Variants in UTRN observed in about 807,000 individuals in gnomAD.
UTRN encodes utrophin, also known as dystrophin-related protein 1.
Under a neutral mutation model 463.9 loss-of-function variants are expected in UTRN, and 283 were observed. That is an observed-to-expected ratio of 0.61 (90% CI 0.55 to 0.67). The LOEUF is 0.67. UTRN is among the 30% of genes least tolerant of loss of function. The probability of loss-of-function intolerance (pLI) is 0.00; values close to 1 mark genes in which losing one functional copy is unlikely to be tolerated. For synonymous variants in UTRN, 1,442 were observed against 1,431.5 expected, an observed-to-expected ratio of 1.01 and a Z score of -0.17; for missense variants, 3,922 against 4,084.3, an observed-to-expected ratio of 0.96 and a Z score of 1.08.
chr6:144,843,828 C>T (rs539904026), intron 73 of UTRN, among the ~76,000 whole-genome samples: 1 of 152,256 alleles, frequency 6.6e-6, no homozygotes, highest in South Asian at 2.1e-4. Flanking sequence ...TACCCTTAGC[C>T]TTCTATCTGA....
intron 3 of UTRN, among the ~76,000 whole-genome samples, chr6:144,420,245 A>C (rs1784717947): frequency 6.6e-6 from 1 of 152,232 alleles, no homozygotes; most frequent in African/African-American, 2.4e-5. Context: ...TTATTATATA[A>C]GGCAGTAATT....
In UTRN at chr6:144,474,627, A is replaced by G; in HGVS notation, c.3204A>G (p.Thr1068=). 1 of 1,613,322 alleles carries G rather than the reference A, an allele frequency of 6.2e-7. No homozygotes were observed. The highest frequency in any genetic ancestry group is 1.3e-5 in the African/African-American group (1 of 74,984). ...AGGCATTTGTTAATGAAATAGAAACAATTGAATCATCTCTGAAAAACATGA... is the reference window on the plus strand; with the variant it reads ...AGGCATTTGTTAATGAAATAGAAACGATTGAATCATCTCTGAAAAACATGA... ...QCSAFVNEIE[T]IESSLKNMKE... is the part of the protein sequence containing the mutation. The change falls in exon 25 of 75, where the codon ACA becomes ACG. Residue 1068 remains threonine (T), a synonymous_variant. Coordinates refer to ENST00000367545, the MANE Select transcript of UTRN (RefSeq NM_007124.3).
intron 54 of UTRN, among the ~76,000 whole-genome samples, chr6:144,732,970 T>C (rs983725116): frequency 1.3e-5 from 2 of 152,188 alleles, no homozygotes; most frequent in Non-Finnish European, 2.9e-5. Flanking sequence ...CCAAAAGTGC[T>C]GAGAATACAG....
In UTRN at chr6:144,458,840, A is replaced by G; in HGVS notation, c.2355A>G (p.Gln785=). 6.2e-7 allele frequency: 1 copy of G among 1,613,472 alleles called. No homozygotes were observed. The highest frequency in any genetic ancestry group is 8.5e-7 in the Non-Finnish European group (1 of 1,179,876). The change falls in exon 20 of 75, where the codon CAA becomes CAG. Residue 785 remains glutamine, a synonymous_variant. Coordinates refer to ENST00000367545, the MANE Select transcript of UTRN (RefSeq NM_007124.3). ...KVSSEWKNVS[Q]HLEDLERKIQ... is the part of the protein sequence containing the mutation. ...CATCAGAATGGAAGAATGTATCTCAACATTTGGAAGATCTAGAAAGAAAGA... is the reference window on the plus strand; with the variant it reads ...CATCAGAATGGAAGAATGTATCTCAGCATTTGGAAGATCTAGAAAGAAAGA...
chr6:144,451,735 T>C (rs1788336377), intron 18 of UTRN, among the ~76,000 whole-genome samples: 1 of 151,988 alleles, frequency 6.6e-6, no homozygotes, highest in Admixed American at 6.5e-5. Flanking sequence ...CAGTGAGGAA[T>C]ACTTCTTATG....
At chr6:144,479,728 T>A (rs1791650264) in intron 25 of UTRN, 84 bp from the exon 26 acceptor site, 1 of 1,478,320 alleles carries the variant, frequency 6.8e-7, no homozygotes, top group African/African-American at 1.4e-5. Context: ...AAGTTATTAC[T>A]GTGCCTTTAA....
intron 2 of UTRN, among the ~76,000 whole-genome samples, chr6:144,376,177 T>A (rs1780441941): frequency 6.6e-6 from 1 of 151,758 alleles, no homozygotes; most frequent in South Asian, 2.1e-4. Flanking sequence ...GTTTTTTGGG[T>A]CGGGCCGGGT....
chr6:144,315,489 A>G (rs866197598), intron 2 of UTRN, among the ~76,000 whole-genome samples: 38 of 152,206 alleles, frequency 2.5e-4, no homozygotes, highest in Admixed American at 5.2e-4. Context: ...CTAGTTGGAC[A>G]GGGCCCGATG....
chr6:144,302,787 G>A (rs1805400844), intron 2 of UTRN, among the ~76,000 whole-genome samples: 1 of 152,078 alleles, frequency 6.6e-6, no homozygotes, highest in African/African-American at 2.4e-5. Flanking sequence ...CGTGAAAGAG[G>A]CAAGGAATTT....
intron 23 of UTRN, among the ~76,000 whole-genome samples, chr6:144,473,376 T>C (rs1790862087): frequency 6.6e-6 from 1 of 152,192 alleles, no homozygotes; most frequent in South Asian, 2.1e-4. Context: ...TTGTTCTAAA[T>C]TATATCAGAG....
intron 34 of UTRN, among the ~76,000 whole-genome samples, chr6:144,502,069 T>G (rs929645840): frequency 2.0e-5 from 3 of 152,080 alleles, no homozygotes; most frequent in Non-Finnish European, 4.4e-5. Context: ...CAAATTTTTT[T>G]ATTACTGTAG....
In UTRN at chr6:144,308,156, T is replaced by C. The variant is rs74929642; in HGVS notation, c.79+16249T>C. ...TTCTCAGTGAGTTTAGCTCTGTCAC[T>C]CTCTCTAAAAGTTACTCTTGTTTTA... On this transcript the variant is annotated intron_variant, in intron 2 of 74. Coordinates refer to ENST00000367545, the MANE Select transcript of UTRN (RefSeq NM_007124.3). 4.6e-3 allele frequency among the ~76,000 whole-genome samples: 701 copies of C among 152,276 alleles called. 9 individuals are homozygous for C. The highest frequency in any genetic ancestry group is 0.016 in the African/African-American group (667 of 41,552).
rs568563614 is a variant in UTRN, at chr6:144,321,491, A to C, written c.79+29584A>C. Among the ~76,000 whole-genome samples the C allele has an allele frequency of 7.6e-4, 92 of 120,462 alleles. No individual in the cohort carries two copies. In the East Asian group the frequency reaches 0.017, roughly 23 times the overall value. The allele number at this position is 120,462 out of a possible 152,430, so 79.0% of individuals were successfully genotyped here. A position where few individuals can be genotyped will look rare whatever the true frequency, so the allele number is the denominator to read the frequency against. The stretch of plus-strand genomic sequence containing the variant: ...TTTTTTTTTTTTTTTTTTTTTTGAG[A>C]CAGAGTCTCGCTCTGTCATCCAGGC... On this transcript the variant is annotated intron_variant, in intron 2 of 74. Coordinates refer to ENST00000367545, the MANE Select transcript of UTRN (RefSeq NM_007124.3).
At chr6:144,304,689 A>G (rs905516561) in intron 2 of UTRN, among the ~76,000 whole-genome samples, 1 of 152,286 alleles carries the variant, frequency 6.6e-6, no homozygotes, top group Middle Eastern at 3.4e-3. Context: ...GGTTTTCAAT[A>G]TGGCTAAAGC....
chr6:144,436,105 T>C lies in UTRN; in HGVS notation c.1026T>C (p.Val342=), dbSNP rs1213795136. 1 of 1,614,058 alleles carries C rather than the reference T, an allele frequency of 6.2e-7. No individual in the cohort carries two copies. Among genetic ancestry groups the C allele is most frequent in the Non-Finnish European group, 8.5e-7 (1 of 1,180,052 alleles). The part of the protein sequence containing the change: ...FQEQDDISDD[V]EEVKDQFATH... ...AGCAGGATGATATTTCTGATGATGTTGAAGAAGTCAAAGACCAGTTTGCAA... is the reference window on the plus strand; with the variant it reads ...AGCAGGATGATATTTCTGATGATGTCGAAGAAGTCAAAGACCAGTTTGCAA... Residue 342 remains valine (V), a synonymous_variant, in exon 10 of 75, where the codon GTT becomes GTC. Coordinates refer to ENST00000367545, the MANE Select transcript of UTRN (RefSeq NM_007124.3).
chr6:144,761,107 A>C (rs1017326031), intron 58 of UTRN, among the ~76,000 whole-genome samples: 2 of 152,198 alleles, frequency 1.3e-5, no homozygotes, highest in Non-Finnish European at 2.9e-5. Context: ...GAGTCTATAT[A>C]GTATAAACCC....
chr6:144,469,378 T>C (rs1403378479), intron 23 of UTRN, among the ~76,000 whole-genome samples: 1 of 152,222 alleles, frequency 6.6e-6, no homozygotes, highest in Non-Finnish European at 1.5e-5. Flanking sequence ...ATTTAGTGCA[T>C]TCTTCTATGT....
intron 73 of UTRN, among the ~76,000 whole-genome samples, chr6:144,845,954 G>A (rs964347555): frequency 7.2e-5 from 11 of 152,008 alleles, no homozygotes; most frequent in African/African-American, 2.7e-4. Flanking sequence ...AACAGTGAGA[G>A]ATGGAAGGAG....
chr6:144,323,503 A>T (rs1043847430), intron 2 of UTRN, among the ~76,000 whole-genome samples: 1 of 152,228 alleles, frequency 6.6e-6, no homozygotes, highest in Admixed American at 6.5e-5. Context: ...ACATTCTTAC[A>T]TCAGAATCCA....
Sources: allele counts gnomAD v4.1 joint callset (sites outside exome capture counted in the v4.1 genomes callset), GRCh38; gene constraint gnomAD v4.1.1; transcripts MANE v1.5; gene names NCBI Gene and HGNC (gene_info 2026-07-23, HGNC 2026-07-21).